PATJ: variants seen among roughly 807,000 people sequenced by gnomAD.
The protein encoded by PATJ is inaD-like protein.
A neutral mutation model predicts 224.9 loss-of-function variants in PATJ; 190 were observed. The observed-to-expected ratio is 0.84, with a 90% CI of 0.75 to 0.95. The LOEUF (loss-of-function observed/expected upper bound fraction) is 0.95, where lower values mean the gene tolerates loss of function less well. Among genes scored for constraint, PATJ ranks in the 40% least tolerant of loss-of-function variants. The pLI is 0.00. For missense variants in PATJ, 2,121 were observed against 2,270.3 expected, an observed-to-expected ratio of 0.93 and a Z score of 1.34; for synonymous variants, 769 against 820.3, an observed-to-expected ratio of 0.94 and a Z score of 1.07.
intron 1 of PATJ, among the ~76,000 whole-genome samples, chr1:61,748,525 T>C (rs1375920038): frequency 6.6e-6 from 1 of 151,648 alleles, no homozygotes; most frequent in Admixed American, 6.6e-5. Flanking sequence ...CAAAGTGCTG[T>C]GATTACAGGC....
In PATJ at chr1:61,972,636, A is replaced by G. The variant is rs180926028; in HGVS notation, c.3671-17532A>G. On this transcript the variant is annotated intron_variant, in intron 27 of 43. Transcript: ENST00000642238. ...TTTAAGACACTCTCTATAAGAAATA[A>G]GGAAGGGAAGTTTTGGCTGTGAGGG... Among the ~76,000 whole-genome samples the G allele has an allele frequency of 2.0e-5, 3 of 152,206 alleles. No homozygotes were observed. In the East Asian group the frequency reaches 5.8e-4, roughly 29 times the overall value.
At chr1:62,025,689 G>A (rs955261228) in intron 29 of PATJ, among the ~76,000 whole-genome samples, 11 of 152,296 alleles carry the variant, frequency 7.2e-5, no homozygotes, top group East Asian at 1.9e-4. Flanking sequence ...TGGGCATGGC[G>A]ACATGTGCCT....
intron 41 of PATJ, among the ~76,000 whole-genome samples, chr1:62,132,828 C>CG (rs985257809): frequency 6.6e-6 from 1 of 151,732 alleles, no homozygotes; most frequent in Non-Finnish European, 1.5e-5. Flanking sequence ...TGCTTGAGCC[C>CG]GGGGGGCAGA....
intron 27 of PATJ, among the ~76,000 whole-genome samples, chr1:61,979,596 T>G (rs1331369397): frequency 1.4e-5 from 2 of 147,502 alleles, no homozygotes; most frequent in South Asian, 2.1e-4. Context: ...GAGATTGCAG[T>G]GAGCCAAGAT....
intron 31 of PATJ, among the ~76,000 whole-genome samples, chr1:62,062,490 CTTTTT>C (rs139480388): frequency 2.8e-5 from 1 of 35,770 alleles, no homozygotes; most frequent in African/African-American, 1.2e-4. Context: ...CCACAGCAAC[CTTTTT>C]TTTTTTTTTT....
intron 41 of PATJ, 122 bp downstream of exon 41, chr1:62,129,067 G>A (rs1243407545): frequency 7.1e-6 from 4 of 562,350 alleles, no homozygotes; most frequent in Non-Finnish European, 1.3e-5. Context: ...GAATTACGAA[G>A]GTTGAAAGCA....
In PATJ at chr1:61,752,817, TTTATATA is replaced by T. The variant is rs144909877; in HGVS notation, c.-35-10039_-35-10033del. On this transcript the variant is annotated intron_variant, in intron 1 of 43. Transcript: ENST00000642238. ...GCAAACTGTCAGGATTGTTCTGGAA[TTTATATA>T]TGTTTCCCAAATTCCAGGGATATAG... 9.8e-3 allele frequency among the ~76,000 whole-genome samples: 1,487 copies of T among 152,310 alleles called. 27 individuals are homozygous for T. The highest frequency in any genetic ancestry group is 0.033 in the African/African-American group (1,373 of 41,574).
At position 61,805,511 on chromosome 1, in the gene PATJ, A is replaced by G. The variant is rs750979915; in HGVS notation, c.1613A>G (p.Asp538Gly). Residue 538 changes from aspartate (D) to glycine (G), a missense_variant, in exon 13 of 44, where the codon GAT (aspartate) becomes GGT (glycine). Physicochemically the swap from Asp to Gly is moderately conservative, Grantham distance 94. Transcript: ENST00000642238. ...AGATGGGAAAACCTGTTGGGTCCTG[A>G]TTATGAAGTAATGGTATGTTAAAAT... ...KSRWENLLGPDYEVMVATLDT... is the reference protein window; with the variant it reads ...KSRWENLLGPGYEVMVATLDT... The G allele has an allele frequency of 3.8e-6, 6 of 1,586,480 alleles. No individual in the cohort carries two copies. In the East Asian group the frequency reaches 6.7e-5, roughly 18 times the overall value.
rs1485402412 is a variant in PATJ at position 62,161,890 on chromosome 1, G to A, written c.*836G>A. ...TAATTAATTTACCAGTGATCCCCAA[G>A]ATGAAATACCAGATTCTCCTATGGG... On this transcript the variant is annotated 3_prime_UTR_variant, in exon 44 of 44. Coordinates refer to ENST00000642238, the MANE Select transcript of PATJ (RefSeq NM_001350145.3). The A allele has an allele frequency of 1.3e-5, 2 of 152,172 alleles. No homozygotes were observed. The highest frequency in any genetic ancestry group is 2.9e-5 in the Non-Finnish European group (2 of 68,046). 9.4% of individuals were successfully genotyped at this position (152,172 alleles called of 1,614,324 possible).
At position 61,812,429 on chromosome 1, in the gene PATJ, A is replaced by T. The variant is rs1290907709; in HGVS notation, c.1683+3899A>T. ...GACTGAGAGAGAGAGAGAGAGAGAGAGAGAGTGTGTGTGTGTGTGTGTGTG... is the reference window on the plus strand; with the variant it reads ...GACTGAGAGAGAGAGAGAGAGAGAGTGAGAGTGTGTGTGTGTGTGTGTGTG... On this transcript the variant is annotated intron_variant, in intron 14 of 43. Transcript: ENST00000642238. Among the ~76,000 whole-genome samples, 256 of 111,434 alleles carry T rather than the reference A, an allele frequency of 2.3e-3. 1 individual carries two copies. The highest frequency in any genetic ancestry group is 8.5e-3 in the Middle Eastern group (2 of 236). The allele number at this position is 111,434 out of a possible 152,430, so 73.1% of individuals were successfully genotyped here.
chr1:61,982,642 C>T (rs997767144), intron 27 of PATJ, among the ~76,000 whole-genome samples: 1 of 151,800 alleles, frequency 6.6e-6, no homozygotes, highest in Non-Finnish European at 1.5e-5. Context: ...TTTTATCTTT[C>T]CTTTAAAATG....
At chr1:61,989,319 C>T (rs1032688119) in intron 27 of PATJ, among the ~76,000 whole-genome samples, 3 of 152,052 alleles carry the variant, frequency 2.0e-5, no homozygotes, top group Non-Finnish European at 2.9e-5. Context: ...TAACAATTTA[C>T]AGATGAAAAA....
At chr1:61,749,529 T>C (rs1176567586) in intron 1 of PATJ, among the ~76,000 whole-genome samples, 1 of 152,192 alleles carries the variant, frequency 6.6e-6, no homozygotes, top group Non-Finnish European at 1.5e-5. Flanking sequence ...GTTTTTGTAT[T>C]AGTGACCAAT....
In PATJ at chr1:62,125,236, C is replaced by CAAAAAAAAAAAAA. The variant is rs761278812; in HGVS notation, c.5043+2183_5043+2195dup. Among the ~76,000 whole-genome samples the CAAAAAAAAAAAAA allele has an allele frequency of 4.4e-3, 122 of 27,706 alleles. 5 individuals are homozygous for CAAAAAAAAAAAAA. Among genetic ancestry groups the CAAAAAAAAAAAAA allele is most frequent in the East Asian group, 8.2e-3 (6 of 730 alleles). The allele number at this position is 27,706 out of a possible 152,430, so 18.2% of individuals were successfully genotyped here. ...TGGGTGACAGAGTAAAACCCTGTCT[C>CAAAAAAAAAAAAA]AAAAAAAAAAAAAAAAACAAAAAAA... On this transcript the variant is annotated intron_variant, in intron 39 of 43. Transcript: ENST00000642238.
intron 27 of PATJ, among the ~76,000 whole-genome samples, chr1:61,968,849 T>C (rs1682542870): frequency 6.6e-6 from 1 of 152,202 alleles, no homozygotes; most frequent in Non-Finnish European, 1.5e-5. Flanking sequence ...AATAACTTCC[T>C]GCTTTTAAAA....
chr1:62,013,848 A>G (rs989344330), intron 28 of PATJ, among the ~76,000 whole-genome samples: 1 of 151,818 alleles, frequency 6.6e-6, no homozygotes, highest in African/African-American at 2.4e-5. Context: ...ATTTTGGCTC[A>G]CTGCAGCCTC....
At chr1:61,894,057 C>T (rs1669984405) in intron 22 of PATJ, among the ~76,000 whole-genome samples, 1 of 151,684 alleles carries the variant, frequency 6.6e-6, no homozygotes, top group Non-Finnish European at 1.5e-5. Context: ...GAGTTCAAGA[C>T]CAGCCTGGCC....
intron 27 of PATJ, among the ~76,000 whole-genome samples, chr1:61,968,685 G>A (rs952160854): frequency 6.6e-6 from 1 of 151,960 alleles, no homozygotes; most frequent in Non-Finnish European, 1.5e-5. Context: ...CATTAGGTAT[G>A]TCTCCTAATG....
At chr1:62,115,503 C>T (rs919739630) in intron 35 of PATJ, among the ~76,000 whole-genome samples, 15 of 151,352 alleles carry the variant, frequency 9.9e-5, no homozygotes, top group Admixed American at 2.0e-4. Flanking sequence ...GAAGTCTATA[C>T]TGCTTAACAG....
Sources: allele counts gnomAD v4.1 joint callset (sites outside exome capture counted in the v4.1 genomes callset), GRCh38; gene constraint gnomAD v4.1.1; transcripts MANE v1.5; gene names NCBI Gene and HGNC (gene_info 2026-07-23, HGNC 2026-07-21).